Variants in DPY19L2 observed in about 807,000 individuals in gnomAD.
The protein encoded by DPY19L2 is dpy-19 like 2, also known as probable C-mannosyltransferase DPY19L2.
Under a neutral mutation model 97.9 loss-of-function variants are expected in DPY19L2, and 34 were observed. The ratio of observed to expected loss-of-function variants is 0.35; its 90% CI spans 0.26 to 0.46. DPY19L2 has a LOEUF of 0.46. Ranked by LOEUF, DPY19L2 falls within the 20% of genes least tolerant of loss-of-function variation. DPY19L2 has a pLI of 1.00. For missense variants in DPY19L2, 623 were observed against 911.4 expected (o/e 0.68, Z 4.07); for synonymous variants, 230 against 307.9 (o/e 0.75, Z 2.65).
At chr12:63,585,328 CAG>C (rs1307464097) in intron 16 of DPY19L2, among the ~76,000 whole-genome samples, 3 of 152,064 alleles carry the variant, frequency 2.0e-5, no homozygotes, top group Non-Finnish European at 4.4e-5. Flanking sequence ...TTCAGGGGTA[CAG>C]AGACTCATAG....
chr12:63,632,326 A>C (rs1173575853), intron 6 of DPY19L2, among the ~76,000 whole-genome samples: 1 of 152,170 alleles, frequency 6.6e-6, no homozygotes, highest in Non-Finnish European at 1.5e-5. Flanking sequence ...CCACTGTCTC[A>C]ACCCAAAATC....
intron 6 of DPY19L2, among the ~76,000 whole-genome samples, chr12:63,628,203 T>C (rs944387450): frequency 3.3e-5 from 5 of 152,108 alleles, no homozygotes; most frequent in African/African-American, 9.7e-5. Flanking sequence ...TCACTGGGGA[T>C]TGTCAGAAAG....
At chr12:63,622,612 G>C (rs1447526998) in intron 8 of DPY19L2, among the ~76,000 whole-genome samples, 1 of 152,104 alleles carries the variant, frequency 6.6e-6, no homozygotes, top group East Asian at 1.9e-4. Flanking sequence ...CATGGTCCCT[G>C]TTTCCAGTGG....
intron 4 of DPY19L2, among the ~76,000 whole-genome samples, chr12:63,658,484 ACT>A (rs1452231466): frequency 6.6e-6 from 1 of 152,132 alleles, no homozygotes; most frequent in African/African-American, 2.4e-5. Context: ...ATGAAGTGAG[ACT>A]CTGTCTCAAA....
intron 5 of DPY19L2, among the ~76,000 whole-genome samples, chr12:63,644,776 T>C (rs55751099): frequency 0.17 from 25,951 of 152,076 alleles, 2,585 homozygotes; most frequent in Middle Eastern, 0.23. Flanking sequence ...GTTACACTTA[T>C]ACTTTATACT....
At chr12:63,654,571 C>T (rs762291471) in intron 4 of DPY19L2, among the ~76,000 whole-genome samples, 27 of 151,948 alleles carry the variant, frequency 1.8e-4, no homozygotes, top group Non-Finnish European at 2.6e-4. Flanking sequence ...ATTATCCAAC[C>T]GTTTACAAGG....
intron 11 of DPY19L2, among the ~76,000 whole-genome samples, chr12:63,616,751 A>G (rs1887902442): frequency 6.6e-6 from 1 of 152,192 alleles, no homozygotes; most frequent in Admixed American, 6.5e-5. Context: ...AACTGCCTTC[A>G]GAAATAATTT....
intron 19 of DPY19L2, among the ~76,000 whole-genome samples, chr12:63,576,538 GA>G (rs1879859827): frequency 6.7e-6 from 1 of 150,254 alleles, no homozygotes; most frequent in Non-Finnish European, 1.5e-5. Context: ...CTTATATTTA[GA>G]AAAACCTAAA....
In DPY19L2 at chr12:63,667,633, C is replaced by T. The variant is rs570647107; in HGVS notation, c.337+424G>A. ...TTTAACATTTCTCCATATAGTAATC[C>T]TCACTTTTCTACTCCCTGCCATCTC... On this transcript the variant is annotated intron_variant, in intron 1 of 21. Transcript: ENST00000324472. Among the ~76,000 whole-genome samples the T allele has an allele frequency of 4.8e-4, 73 of 152,172 alleles. 1 individual carries two copies. Among genetic ancestry groups the T allele is most frequent in the Middle Eastern group, 3.4e-3 (1 of 294 alleles).
intron 6 of DPY19L2, among the ~76,000 whole-genome samples, chr12:63,639,408 A>C (rs1373243742): frequency 6.6e-6 from 1 of 152,208 alleles, no homozygotes; most frequent in East Asian, 1.9e-4. Flanking sequence ...CAGAGTGAAT[A>C]GGCAACCTAC....
At chr12:63,651,837 G>T (rs1424273599) in intron 4 of DPY19L2, 1 of 324,638 alleles carries the variant, frequency 3.1e-6, no homozygotes, top group East Asian at 8.9e-5. Flanking sequence ...TGTCAGCAGC[G>T]ATGGGTAGTT....
chr12:63,588,942 A>G (rs1882330902), intron 16 of DPY19L2, among the ~76,000 whole-genome samples: 3 of 151,630 alleles, frequency 2.0e-5, no homozygotes, highest in Admixed American at 2.0e-4. Context: ...TTTAGTAGAG[A>G]CGGGGTTTCA....
At chr12:63,655,263 T>C (rs751703804) in intron 4 of DPY19L2, among the ~76,000 whole-genome samples, 8 of 152,154 alleles carry the variant, frequency 5.3e-5, no homozygotes, top group African/African-American at 1.2e-4. Flanking sequence ...AAAGCCATAA[T>C]GATATATCAC....
At chr12:63,597,058 C>A (rs974499785) in intron 14 of DPY19L2, among the ~76,000 whole-genome samples, 2 of 152,030 alleles carry the variant, frequency 1.3e-5, no homozygotes, top group East Asian at 3.9e-4. Context: ...TTGCAATCTC[C>A]ACCTCCAGGG....
intron 21 of DPY19L2, among the ~76,000 whole-genome samples, chr12:63,566,058 A>T (rs1381556252): frequency 6.6e-6 from 1 of 152,006 alleles, no homozygotes; most frequent in Non-Finnish European, 1.5e-5. Flanking sequence ...CCTTCAGCCA[A>T]TATACATATC....
At chr12:63,615,878 C>G (rs1026853858) in intron 11 of DPY19L2, among the ~76,000 whole-genome samples, 1 of 151,940 alleles carries the variant, frequency 6.6e-6, no homozygotes, top group Non-Finnish European at 1.5e-5. Context: ...CAGCCCTCCA[C>G]ATCCATGGGT....
intron 6 of DPY19L2, among the ~76,000 whole-genome samples, chr12:63,627,111 T>C (rs1889691095): frequency 6.6e-6 from 1 of 152,136 alleles, no homozygotes; most frequent in Non-Finnish European, 1.5e-5. Context: ...GACTAGCACT[T>C]TAGAGTCTAG....
intron 16 of DPY19L2, among the ~76,000 whole-genome samples, chr12:63,588,362 C>A (rs1478938779): frequency 1.3e-5 from 2 of 152,088 alleles, no homozygotes; most frequent in African/African-American, 4.8e-5. Flanking sequence ...AACAACAAAG[C>A]CTGGATGACA....
rs186800942 is a variant in DPY19L2 at position 63,642,422 on chromosome 12, T to C, written c.803+1981A>G. ...TTCTTATTCCAAGTGACTTTTTCTA[T>C]ATTATACGCTGAACATTTTATAAAT... is the stretch of plus-strand genomic sequence containing the variant. On this transcript the variant is annotated intron_variant, in intron 6 of 21. Transcript: ENST00000324472. 4.2e-3 allele frequency among the ~76,000 whole-genome samples: 636 copies of C among 152,202 alleles called. 6 individuals carry two copies. Among genetic ancestry groups the C allele is most frequent in the South Asian group, 0.031 (151 of 4,828 alleles).
Sources: allele counts gnomAD v4.1 joint callset (sites outside exome capture counted in the v4.1 genomes callset), GRCh38; gene constraint gnomAD v4.1.1; transcripts MANE v1.5; gene names NCBI Gene and HGNC (gene_info 2026-07-23, HGNC 2026-07-21).